GRID1: variants seen among roughly 807,000 people sequenced by gnomAD.
The protein encoded by GRID1 is glutamate receptor ionotropic, delta-1.
Under a neutral mutation model 98.0 loss-of-function variants are expected in GRID1, and 28 were observed. That is an observed-to-expected ratio of 0.29 (90% CI 0.21 to 0.39). The LOEUF (loss-of-function observed/expected upper bound fraction) is 0.39, where lower values mean the gene tolerates loss of function less well. GRID1 is among the 10% of genes least tolerant of loss of function. The probability of loss-of-function intolerance (pLI) is 1.00; values close to 1 mark genes in which losing one functional copy is unlikely to be tolerated. For synonymous variants in GRID1, 553 were observed against 538.5 expected (o/e 1.03, Z -0.37); for missense variants, 1,111 against 1,340.5 (o/e 0.83, Z 2.67).
chr10:86,112,269 C>G (rs894320679), intron 4 of GRID1, among the ~76,000 whole-genome samples: 3 of 152,168 alleles, frequency 2.0e-5, no homozygotes, highest in Admixed American at 6.5e-5. Context: ...GAGGCGTGGC[C>G]CAGCTCTGTC....
intron 4 of GRID1, among the ~76,000 whole-genome samples, chr10:85,947,519 C>G (rs970857668): frequency 4.6e-5 from 7 of 152,198 alleles, no homozygotes; most frequent in Non-Finnish European, 1.0e-4. Flanking sequence ...CCCTAGAAGA[C>G]CCAGTCATTG....
chr10:86,309,326 A>G (rs975724266), intron 2 of GRID1, among the ~76,000 whole-genome samples: 1 of 152,190 alleles, frequency 6.6e-6, no homozygotes, highest in African/African-American at 2.4e-5. Context: ...TAATGATACA[A>G]TAATTAACAA....
chr10:86,064,337 C>T (rs112954041), intron 4 of GRID1, among the ~76,000 whole-genome samples: 6,585 of 152,272 alleles, frequency 0.043, 167 homozygotes, highest in Middle Eastern at 0.068. Context: ...TTGAGCACAA[C>T]GTCTGTGATG....
At chr10:86,155,878 G>A (rs1845237179) in intron 3 of GRID1, among the ~76,000 whole-genome samples, 1 of 152,200 alleles carries the variant, frequency 6.6e-6, no homozygotes, top group Non-Finnish European at 1.5e-5. Flanking sequence ...GGCCTGAGGA[G>A]GATGGGAAGG....
intron 2 of GRID1, among the ~76,000 whole-genome samples, chr10:86,289,683 C>T (rs1405238168): frequency 6.6e-6 from 1 of 152,182 alleles, no homozygotes; most frequent in Non-Finnish European, 1.5e-5. Context: ...TTTGCAGAGC[C>T]TCCTCCCTCT....
intron 4 of GRID1, among the ~76,000 whole-genome samples, chr10:85,934,536 A>G (rs1841901639): frequency 6.6e-6 from 1 of 152,054 alleles, no homozygotes; most frequent in African/African-American, 2.4e-5. Flanking sequence ...GCTATATTCT[A>G]AGAGTCTAGA....
chr10:85,821,516 C>CAAAAAAAAAAAAAAAAAAAAA (rs1157209045), intron 8 of GRID1, among the ~76,000 whole-genome samples: 2 of 9,114 alleles, frequency 2.2e-4, no homozygotes, highest in Non-Finnish European at 5.4e-4. Flanking sequence ...GACTTCATCT[C>CAAAAAAAAAAAAAAAAAAAAA]AAAAAAAAAA....
chr10:85,915,524 CAT>C (rs539183532), intron 5 of GRID1, among the ~76,000 whole-genome samples: 330 of 151,016 alleles, frequency 2.2e-3, no homozygotes, highest in African/African-American at 7.8e-3. Context: ...CACAGACACA[CAT>C]ATACACACAC....
intron 12 of GRID1, among the ~76,000 whole-genome samples, chr10:85,702,942 AAAG>A (rs1396178577): frequency 6.6e-6 from 1 of 151,924 alleles, no homozygotes; most frequent in African/African-American, 2.4e-5. Flanking sequence ...GCATAAGGAA[AAAG>A]AAGATGAAAA....
At chr10:85,729,694 T>A in intron 8 of GRID1, 80 bp from the exon 9 acceptor site, 1 of 835,664 alleles carries the variant, frequency 1.2e-6, no homozygotes, top group South Asian at 1.5e-5. Flanking sequence ...TACACTGGGA[T>A]CCTGAATTAG....
intron 4 of GRID1, among the ~76,000 whole-genome samples, chr10:85,929,784 T>C (rs550921240): frequency 1.3e-5 from 2 of 152,370 alleles, no homozygotes; most frequent in South Asian, 2.1e-4. Flanking sequence ...CAAACACTTA[T>C]AACTCTTTCA....
At chr10:85,769,424 C>T (rs1842232093) in intron 8 of GRID1, among the ~76,000 whole-genome samples, 1 of 152,236 alleles carries the variant, frequency 6.6e-6, no homozygotes, top group Non-Finnish European at 1.5e-5. Context: ...TTCTGCATTT[C>T]CATCTGGGGT....
At chr10:85,753,182 T>C (rs886271625) in intron 8 of GRID1, among the ~76,000 whole-genome samples, 1 of 152,218 alleles carries the variant, frequency 6.6e-6, no homozygotes, top group Non-Finnish European at 1.5e-5. Context: ...GGGAGGGACT[T>C]GTATTCTGTG....
intron 12 of GRID1, among the ~76,000 whole-genome samples, chr10:85,722,784 T>C (rs948085168): frequency 3.4e-4 from 51 of 152,192 alleles, no homozygotes; most frequent in African/African-American, 1.2e-3. Context: ...CATTAAATTT[T>C]CAGGAAATAT....
At chr10:85,751,399 A>G (rs1842044488) in intron 8 of GRID1, among the ~76,000 whole-genome samples, 1 of 152,224 alleles carries the variant, frequency 6.6e-6, no homozygotes, top group African/African-American at 2.4e-5. Context: ...TATTAGAAAG[A>G]AAGCATCACA....
At chr10:85,846,741 A>G (rs1042125692) in intron 8 of GRID1, among the ~76,000 whole-genome samples, 1 of 152,226 alleles carries the variant, frequency 6.6e-6, no homozygotes, top group African/African-American at 2.4e-5. Flanking sequence ...TATTTTTTAA[A>G]TTGTTTACAA....
intron 4 of GRID1, among the ~76,000 whole-genome samples, chr10:86,111,435 A>T (rs1478583218): frequency 6.6e-6 from 1 of 152,210 alleles, no homozygotes; most frequent in East Asian, 1.9e-4. Flanking sequence ...CATCAGGAAT[A>T]GTTGCAACAC....
chr10:85,728,136 C>G (rs1386152572), intron 9 of GRID1, 84 bp from the exon 10 acceptor site: 8 of 1,009,344 alleles, frequency 7.9e-6, no homozygotes, highest in Non-Finnish European at 1.2e-5. Flanking sequence ...AGAGAAAGAT[C>G]TGATTAGAAC....
At chr10:86,134,229 G>A (rs1362071304) in intron 4 of GRID1, among the ~76,000 whole-genome samples, 4 of 152,220 alleles carry the variant, frequency 2.6e-5, no homozygotes, top group Non-Finnish European at 4.4e-5. Flanking sequence ...GTCTTGGAGA[G>A]GAGGAGGCAC....
Sources: allele counts gnomAD v4.1 joint callset (sites outside exome capture counted in the v4.1 genomes callset), GRCh38; gene constraint gnomAD v4.1.1; transcripts MANE v1.5; gene names NCBI Gene and HGNC (gene_info 2026-07-23, HGNC 2026-07-21).